Variants in SLC22A24 observed in about 807,000 individuals in gnomAD.
SLC22A24 encodes solute carrier family 22 member 24.
A neutral mutation model predicts 49.8 loss-of-function variants in SLC22A24; 53 were observed. The ratio of observed to expected loss-of-function variants is 1.06; its 90% CI spans 0.85 to 1.34. The LOEUF is 1.34. Ranked by LOEUF, SLC22A24 falls within the 40% of genes most tolerant of loss-of-function variation. SLC22A24 has a pLI of 0.00. For synonymous variants in SLC22A24, 302 were observed against 256.4 expected, an observed-to-expected ratio of 1.18 and a Z score of -1.70; for missense variants, 786 against 675.9, an observed-to-expected ratio of 1.16 and a Z score of -1.81.
intron 2 of SLC22A24, among the ~76,000 whole-genome samples, chr11:63,129,974 T>C (rs964946012): frequency 1.6e-4 from 24 of 152,200 alleles, no homozygotes; most frequent in African/African-American, 5.8e-4. Context: ...TATTTCTTTC[T>C]CTTGCCTGAT....
At chr11:63,108,434 T>A (rs1171120611) in intron 4 of SLC22A24, among the ~76,000 whole-genome samples, 1 of 152,166 alleles carries the variant, frequency 6.6e-6, no homozygotes, top group Non-Finnish European at 1.5e-5. Context: ...TATCATGATG[T>A]TGCTGGCCAC....
At chr11:63,123,542 A>G (rs890312318) in intron 2 of SLC22A24, among the ~76,000 whole-genome samples, 13 of 152,318 alleles carry the variant, frequency 8.5e-5, no homozygotes, top group African/African-American at 3.1e-4. Flanking sequence ...CTGAAACTCC[A>G]TATGCATGTC....
chr11:63,098,821 A>C (rs2087071572), intron 5 of SLC22A24, among the ~76,000 whole-genome samples: 1 of 152,164 alleles, frequency 6.6e-6, no homozygotes, highest in Admixed American at 6.6e-5. Flanking sequence ...AAAACAATAC[A>C]AAAAATGAAC....
At position 63,111,043 on chromosome 11, in the gene SLC22A24, G is replaced by T. The variant is rs984051862; in HGVS notation, c.831-6745C>A. Among the ~76,000 whole-genome samples, 648 of 152,192 alleles carry T rather than the reference G, an allele frequency of 4.3e-3. 4 individuals carry two copies. The highest frequency in any genetic ancestry group is 0.014 in the Middle Eastern group (4 of 294). On this transcript the variant is annotated intron_variant, in intron 4 of 9. Transcript: ENST00000612278. ...ATCCCATCAATACCTAATTTATTGA[G>T]AGTTTTTAGCATGAAGGGTTGTTGA...
At chr11:63,138,052 G>A (rs909270131) in intron 1 of SLC22A24, among the ~76,000 whole-genome samples, 9 of 152,170 alleles carry the variant, frequency 5.9e-5, no homozygotes, top group Non-Finnish European at 1.3e-4. Context: ...TTGTCTTTCT[G>A]TGTTCTGTAA....
At chr11:63,115,708 C>A (rs1034358709) in intron 4 of SLC22A24, among the ~76,000 whole-genome samples, 1 of 152,112 alleles carries the variant, frequency 6.6e-6, no homozygotes, top group Non-Finnish European at 1.5e-5. Context: ...AATGGAAGAC[C>A]CGGTTTTGTT....
intron 4 of SLC22A24, among the ~76,000 whole-genome samples, chr11:63,114,254 TG>T (rs915674532): frequency 6.6e-5 from 10 of 152,218 alleles, no homozygotes; most frequent in Admixed American, 5.9e-4. Context: ...TTAGAAGCTT[TG>T]TTCACTTCTT....
rs575923382 is a variant in SLC22A24, at chr11:63,081,815, G to A, written c.1286-149C>T. ...ATGCCAGAGATTGGGGAATGGTTGCGAGGCTGAGAAATATAGACTGTAAAA... is the reference window on the plus strand; with the variant it reads ...ATGCCAGAGATTGGGGAATGGTTGCAAGGCTGAGAAATATAGACTGTAAAA... On this transcript the variant is annotated intron_variant, in intron 7 of 9. Transcript: ENST00000612278. The A allele has an allele frequency of 6.6e-4, 425 of 645,970 alleles. 4 individuals carry two copies. Among genetic ancestry groups the A allele is most frequent in the South Asian group, 6.4e-3 (356 of 55,990 alleles). The allele number at this position is 645,970 out of a possible 1,614,324, so 40.0% of individuals were successfully genotyped here. A position where few individuals can be genotyped will look rare whatever the true frequency, so the allele number is the denominator to read the frequency against.
rs2087107334 is a variant in SLC22A24, at chr11:63,104,241, T to C, written c.888A>G (p.Leu296=). ...TGTGTGCAACTCTTCTAAGCTCCTT[T>C]AAGCCCTCATCTAGCTGATTGTTGA... ...LIINNQLDEG[L]KELRRVAHIN... The change falls in exon 5 of 10, where the codon TTA becomes TTG. Residue 296 remains leucine (L), a synonymous_variant. Coordinates refer to ENST00000612278, the MANE Select transcript of SLC22A24 (RefSeq NM_001136506.2). 1 of 1,550,912 alleles carries C rather than the reference T, an allele frequency of 6.4e-7. No individual in the cohort carries two copies. The highest frequency in any genetic ancestry group is 1.2e-5 in the South Asian group (1 of 84,054).
At chr11:63,113,575 G>T (rs1469933667) in intron 4 of SLC22A24, among the ~76,000 whole-genome samples, 2 of 151,914 alleles carry the variant, frequency 1.3e-5, no homozygotes, top group African/African-American at 2.4e-5. Flanking sequence ...GAATGTTGAG[G>T]CCGGGCACAG....
chr11:63,143,315 T>A (rs2087428103), intron 1 of SLC22A24, 63 bp downstream of exon 1: 3 of 1,354,412 alleles, frequency 2.2e-6, no homozygotes, highest in Non-Finnish European at 2.9e-6. Flanking sequence ...GCAAGTCAAT[T>A]TTTTTGTGTT....
intron 2 of SLC22A24, among the ~76,000 whole-genome samples, chr11:63,122,254 T>C (rs1008816639): frequency 2.0e-5 from 3 of 152,102 alleles, no homozygotes; most frequent in South Asian, 2.1e-4. Context: ...CCATAAAAGG[T>C]CCACTGTAGT....
chr11:63,091,278 A>T (rs11821844), intron 6 of SLC22A24, among the ~76,000 whole-genome samples: 1 of 152,150 alleles, frequency 6.6e-6, no homozygotes, highest in South Asian at 2.1e-4. Context: ...CTACCAACCA[A>T]AAAAGGGCAA....
At chr11:63,130,706 G>A (rs2087328012) in intron 2 of SLC22A24, among the ~76,000 whole-genome samples, 1 of 151,874 alleles carries the variant, frequency 6.6e-6, no homozygotes, top group Admixed American at 6.6e-5. Context: ...GTCTTGGGAG[G>A]GTGTATTTGT....
chr11:63,103,065 C>T (rs1199194400), intron 5 of SLC22A24, among the ~76,000 whole-genome samples: 2 of 152,096 alleles, frequency 1.3e-5, no homozygotes, highest in Non-Finnish European at 2.9e-5. Flanking sequence ...TGAGCATATG[C>T]TATAATGAAA....
At chr11:63,124,954 G>C (rs911260861) in intron 2 of SLC22A24, among the ~76,000 whole-genome samples, 2 of 151,682 alleles carry the variant, frequency 1.3e-5, no homozygotes, top group East Asian at 3.9e-4. Flanking sequence ...GGACTGTTGC[G>C]GGGTGGGGGG....
At chr11:63,081,730 G>T in intron 7 of SLC22A24, 64 bp from the exon 8 acceptor site, 1 of 1,076,452 alleles carries the variant, frequency 9.3e-7, no homozygotes, top group Non-Finnish European at 1.4e-6. Context: ...CCAAATAATT[G>T]TAAAAAGATT....
At chr11:63,083,139 G>C in intron 7 of SLC22A24, 104 bp downstream of exon 7, 2 of 903,246 alleles carry the variant, frequency 2.2e-6, no homozygotes, top group South Asian at 1.7e-5. Flanking sequence ...TCTTTTGGCT[G>C]TCAAGGGCAA....
At chr11:63,091,672 A>G (rs1162898596) in intron 6 of SLC22A24, among the ~76,000 whole-genome samples, 5 of 152,234 alleles carry the variant, frequency 3.3e-5, no homozygotes, top group Non-Finnish European at 7.3e-5. Flanking sequence ...GATTATCTCA[A>G]TAGATGCAGA....
Sources: allele counts gnomAD v4.1 joint callset (sites outside exome capture counted in the v4.1 genomes callset), GRCh38; gene constraint gnomAD v4.1.1; transcripts MANE v1.5; gene names NCBI Gene and HGNC (gene_info 2026-07-23, HGNC 2026-07-21).